RTN1: variants seen among roughly 807,000 people sequenced by gnomAD.
The protein encoded by RTN1 is reticulon-1.
RTN1 carries 25 observed loss-of-function variants against 65.5 expected under a neutral mutation model. The ratio of observed to expected loss-of-function variants is 0.38; its 90% CI spans 0.28 to 0.53. The LOEUF is 0.53. Ranked by LOEUF, RTN1 falls within the 20% of genes least tolerant of loss-of-function variation. RTN1 has a pLI of 0.79. For missense variants in RTN1, 983 were observed against 1,025.4 expected (o/e 0.96, Z 0.57); for synonymous variants, 471 against 447.6 (o/e 1.05, Z -0.66).
intron 1 of RTN1, among the ~76,000 whole-genome samples, chr14:59,813,088 T>G (rs1886758450): frequency 6.6e-6 from 1 of 152,182 alleles, no homozygotes; most frequent in Non-Finnish European, 1.5e-5. Context: ...ATGCACACTC[T>G]CCCTTCATTG....
At chr14:59,675,748 C>T (rs1883613931) in intron 3 of RTN1, among the ~76,000 whole-genome samples, 1 of 152,020 alleles carries the variant, frequency 6.6e-6, no homozygotes, top group African/African-American at 2.4e-5. Flanking sequence ...CCAATTCCAA[C>T]ACCCAGGGAT....
At chr14:59,627,627 A>G (rs920208845) in intron 3 of RTN1, among the ~76,000 whole-genome samples, 2 of 152,210 alleles carry the variant, frequency 1.3e-5, no homozygotes, top group Non-Finnish European at 2.9e-5. Context: ...ATAACTTTTT[A>G]AAATTAGAAG....
At chr14:59,802,678 C>T (rs1886568425) in intron 1 of RTN1, among the ~76,000 whole-genome samples, 1 of 152,142 alleles carries the variant, frequency 6.6e-6, no homozygotes, top group Non-Finnish European at 1.5e-5. Context: ...CAAGCAGCCA[C>T]AGCAAAGGAA....
intron 1 of RTN1, among the ~76,000 whole-genome samples, chr14:59,753,866 G>T (rs559090508): frequency 6.6e-6 from 1 of 152,122 alleles, no homozygotes; most frequent in Non-Finnish European, 1.5e-5. Flanking sequence ...CATAACCAAG[G>T]ATTCTGTGGA....
At chr14:59,714,856 G>T (rs562522026) in intron 3 of RTN1, among the ~76,000 whole-genome samples, 8 of 152,336 alleles carry the variant, frequency 5.3e-5, no homozygotes, top group African/African-American at 1.7e-4. Context: ...CAGGAGGGGA[G>T]CGGCAGGTGA....
intron 8 of RTN1, among the ~76,000 whole-genome samples, chr14:59,599,425 C>A (rs954296071): frequency 2.0e-5 from 3 of 152,178 alleles, no homozygotes; most frequent in African/African-American, 7.2e-5. Context: ...TTTGTCTTCA[C>A]ATAGTCATGA....
chr14:59,608,813 G>C (rs1237837742), intron 3 of RTN1, among the ~76,000 whole-genome samples: 1 of 152,150 alleles, frequency 6.6e-6, no homozygotes, highest in African/African-American at 2.4e-5. Flanking sequence ...AGGAAATAGA[G>C]AAGAGGCTCA....
chr14:59,695,585 C>T (rs2139442575), intron 3 of RTN1, among the ~76,000 whole-genome samples: 1 of 152,252 alleles, frequency 6.6e-6, no homozygotes, highest in South Asian at 2.1e-4. Context: ...CAGAACCAAA[C>T]CCTGATGTAT....
chr14:59,757,928 T>G (rs1002079786), intron 1 of RTN1, among the ~76,000 whole-genome samples: 1 of 152,220 alleles, frequency 6.6e-6, no homozygotes, highest in African/African-American at 2.4e-5. Context: ...AAGTTTACTC[T>G]TGGTGGTGTA....
chr14:59,653,544 G>A (rs899637266), intron 3 of RTN1, among the ~76,000 whole-genome samples: 23 of 151,720 alleles, frequency 1.5e-4, no homozygotes, highest in Admixed American at 1.2e-3. Flanking sequence ...ATTTAAGAAT[G>A]AGACTATTCT....
At chr14:59,749,502 T>G (rs1488639898) in intron 1 of RTN1, among the ~76,000 whole-genome samples, 4 of 73,156 alleles carry the variant, frequency 5.5e-5, no homozygotes, top group Non-Finnish European at 6.5e-5. Flanking sequence ...TATATATATC[T>G]ATATATAGAT....
intron 1 of RTN1, among the ~76,000 whole-genome samples, chr14:59,807,402 G>GA (rs1252645418): frequency 1.3e-5 from 2 of 152,306 alleles, no homozygotes; most frequent in East Asian, 3.9e-4. Context: ...GCTCTTTAGG[G>GA]ATGGGTGTAA....
At chr14:59,690,948 G>T (rs908035628) in intron 3 of RTN1, among the ~76,000 whole-genome samples, 1 of 152,102 alleles carries the variant, frequency 6.6e-6, no homozygotes, top group Non-Finnish European at 1.5e-5. Flanking sequence ...CCAGCACTAA[G>T]AAGAAAGTTT....
chr14:59,723,683 T>C (rs2139472040), intron 3 of RTN1, among the ~76,000 whole-genome samples: 1 of 152,184 alleles, frequency 6.6e-6, no homozygotes, highest in East Asian at 1.9e-4. Flanking sequence ...TTAAAGTGTA[T>C]AAGAATCACA....
intron 1 of RTN1, among the ~76,000 whole-genome samples, chr14:59,820,609 G>A (rs1332298318): frequency 6.6e-6 from 1 of 152,032 alleles, no homozygotes; most frequent in Non-Finnish European, 1.5e-5. Flanking sequence ...TGCAGTTTCA[G>A]TCTTCTGCAT....
chr14:59,616,892 G>A (rs1489512323), intron 3 of RTN1, among the ~76,000 whole-genome samples: 1 of 152,200 alleles, frequency 6.6e-6, no homozygotes, highest in Admixed American at 6.5e-5. Flanking sequence ...TTCAGAGTCA[G>A]GAGGACTTAT....
Position 59,746,420 on chromosome 14 carries a change from T to G in RTN1, c.303A>C (p.Glu101Asp). ...AAATGAGAGATGTGTAACACGATCCTTCCCCATCTTTTGATGTTGTTGAGA... is the reference window on the plus strand; with the variant it reads ...AAATGAGAGATGTGTAACACGATCCGTCCCCATCTTTTGATGTTGTTGAGA... ...HTFSTTSKDGEGSCYTSLISD... is the reference protein window; with the variant it reads ...HTFSTTSKDGDGSCYTSLISD... The change falls in exon 2 of 9, where the codon GAA becomes GAC. Residue 101 changes from glutamate (E) to aspartate (D), a missense_variant. This residue lies in a region of RTN1 where 818 missense variants were observed against 801.8 expected (regional missense o/e 1.02). Transcript: ENST00000267484. The G allele has an allele frequency of 6.2e-7, 1 of 1,612,812 alleles. No homozygotes were observed. The highest frequency in any genetic ancestry group is 8.5e-7 in the Non-Finnish European group (1 of 1,179,304).
chr14:59,807,746 G>A (rs1460954574), intron 1 of RTN1, among the ~76,000 whole-genome samples: 10 of 152,176 alleles, frequency 6.6e-5, no homozygotes, highest in Non-Finnish European at 1.5e-5. Flanking sequence ...TGCCACTTGA[G>A]GTAGGCAGAG....
intron 1 of RTN1, among the ~76,000 whole-genome samples, chr14:59,776,251 G>A (rs1462462278): frequency 6.6e-6 from 1 of 152,084 alleles, no homozygotes; most frequent in African/African-American, 2.4e-5. Context: ...TGGGAGCTGG[G>A]GCCTAGTAAG....
Sources: gnomAD v4.1 joint callset for allele counts (sites outside exome capture counted in the v4.1 genomes callset) on GRCh38, gnomAD v4.1.1 for gene constraint, gnomAD v4.1.1 regional missense constraint, MANE v1.5 for transcripts, NCBI Gene and HGNC (gene_info 2026-07-23, HGNC 2026-07-21) for gene names.